LIMCH1: variants seen among roughly 807,000 people sequenced by gnomAD.
LIMCH1 encodes the protein LIM and calponin homology domains 1.
A neutral mutation model predicts 176.5 loss-of-function variants in LIMCH1; 113 were observed. The ratio of observed to expected loss-of-function variants is 0.64; its 90% CI spans 0.55 to 0.75. The LOEUF (loss-of-function observed/expected upper bound fraction) is 0.75, where lower values mean the gene tolerates loss of function less well. Ranked by LOEUF, LIMCH1 falls within the 30% of genes least tolerant of loss-of-function variation. The pLI, the probability that LIMCH1 is intolerant of heterozygous loss-of-function variation, is 0.00. For missense variants in LIMCH1, 1,674 were observed against 1,814.9 expected (o/e 0.92, Z 1.41); for synonymous variants, 619 against 645.9 (o/e 0.96, Z 0.63).
chr4:41,366,238 A>C (rs932747048), intron 1 of LIMCH1, among the ~76,000 whole-genome samples: 1 of 152,158 alleles, frequency 6.6e-6, no homozygotes, highest in Non-Finnish European at 1.5e-5. Context: ...GTGCCTGCTA[A>C]AGTCTATGTA....
intron 1 of LIMCH1, among the ~76,000 whole-genome samples, chr4:41,592,465 T>G (rs1156250938): frequency 6.6e-6 from 1 of 152,184 alleles, no homozygotes; most frequent in Non-Finnish European, 1.5e-5. Context: ...CAACTATCTT[T>G]TTTTTTTCTT....
intron 1 of LIMCH1, among the ~76,000 whole-genome samples, chr4:41,443,548 TTC>T (rs1389602360): frequency 6.6e-6 from 1 of 152,254 alleles, no homozygotes; most frequent in Non-Finnish European, 1.5e-5. Flanking sequence ...CTTTCCAGAT[TTC>T]AGGAAGCCAG....
chr4:41,400,695 A>G (rs1421191478), intron 1 of LIMCH1, among the ~76,000 whole-genome samples: 4 of 152,222 alleles, frequency 2.6e-5, no homozygotes, highest in Non-Finnish European at 4.4e-5. Flanking sequence ...AGATCTTAAA[A>G]TAGATATCGA....
intron 1 of LIMCH1, among the ~76,000 whole-genome samples, chr4:41,567,031 A>G (rs1019306312): frequency 3.3e-5 from 5 of 152,224 alleles, no homozygotes; most frequent in Non-Finnish European, 7.3e-5. Context: ...AAACTCCTCT[A>G]TTCTTAAAGC....
At chr4:41,570,918 A>G (rs771537779) in intron 1 of LIMCH1, among the ~76,000 whole-genome samples, 1 of 152,212 alleles carries the variant, frequency 6.6e-6, no homozygotes. Context: ...GTGCAGAAAT[A>G]GGAGGTAATG....
At chr4:41,373,418 C>T (rs2054270913) in intron 1 of LIMCH1, among the ~76,000 whole-genome samples, 1 of 152,236 alleles carries the variant, frequency 6.6e-6, no homozygotes, top group Admixed American at 6.5e-5. Context: ...AGATAGGAAT[C>T]CTCCGTGCTT....
At chr4:41,374,403 C>T (rs1581178824) in intron 1 of LIMCH1, among the ~76,000 whole-genome samples, 2 of 152,278 alleles carry the variant, frequency 1.3e-5, no homozygotes, top group Admixed American at 1.3e-4. Flanking sequence ...TGCATGGGGA[C>T]TCTGGTTCCC....
At chr4:41,579,982 G>A (rs1040751612) in intron 1 of LIMCH1, among the ~76,000 whole-genome samples, 2 of 152,168 alleles carry the variant, frequency 1.3e-5, no homozygotes, top group East Asian at 3.9e-4. Flanking sequence ...AGCCTTCGGG[G>A]AGGGCACCAC....
chr4:41,521,187 G>A lies in LIMCH1; in HGVS notation c.168-3222G>A, dbSNP rs180693421. 3.9e-4 allele frequency among the ~76,000 whole-genome samples: 60 copies of A among 152,224 alleles called. No individual in the cohort carries two copies. In the East Asian group the frequency reaches 0.011, roughly 28 times the overall value. Reference sequence around the variant, plus strand: ...ATTATGCTTTGATGACACATACTGAGGTTGGACTTTCTAAAGCACCAAACT... The same window carrying A: ...ATTATGCTTTGATGACACATACTGAAGTTGGACTTTCTAAAGCACCAAACT... On this transcript the variant is annotated intron_variant, in intron 2 of 26. Coordinates refer to the LIMCH1 transcript ENST00000313860.
chr4:41,386,310 A>G (rs80232670), intron 1 of LIMCH1, among the ~76,000 whole-genome samples: 2,819 of 152,330 alleles, frequency 0.019, 87 homozygotes, highest in East Asian at 0.12. Context: ...GTGCTCAGGC[A>G]TAGATCCTGA....
At chr4:41,580,197 A>G (rs1357590159) in intron 1 of LIMCH1, among the ~76,000 whole-genome samples, 1 of 152,130 alleles carries the variant, frequency 6.6e-6, no homozygotes, top group Non-Finnish European at 1.5e-5. Context: ...GTTTTCAAAG[A>G]TCATGGTCAG....
chr4:41,506,609 C>A (rs186065341), intron 2 of LIMCH1, among the ~76,000 whole-genome samples: 1 of 152,266 alleles, frequency 6.6e-6, no homozygotes, highest in African/African-American at 2.4e-5. Context: ...AAGATTTAAT[C>A]TCCAAGATTT....
intron 4 of LIMCH1, chr4:41,612,500 G>A (rs2152795815): frequency 1.4e-6 from 1 of 701,840 alleles, no homozygotes; most frequent in East Asian, 2.7e-5. Context: ...TTAAATTGAG[G>A]TTTATCTTTG....
At chr4:41,475,474 G>T (rs1203395019) in intron 1 of LIMCH1, among the ~76,000 whole-genome samples, 1 of 152,198 alleles carries the variant, frequency 6.6e-6, no homozygotes, top group Non-Finnish European at 1.5e-5. Flanking sequence ...TTTGCATTCA[G>T]TGATATCAGG....
intron 4 of LIMCH1, among the ~76,000 whole-genome samples, chr4:41,608,525 A>G (rs1561904041): frequency 6.6e-6 from 1 of 152,170 alleles, no homozygotes; most frequent in Non-Finnish European, 1.5e-5. Flanking sequence ...ACAAATTTTT[A>G]TATTCATTTT....
intron 2 of LIMCH1, among the ~76,000 whole-genome samples, chr4:41,511,533 C>T (rs553179734): frequency 1.3e-5 from 2 of 152,326 alleles, no homozygotes; most frequent in African/African-American, 2.4e-5. Flanking sequence ...ACACATGGCA[C>T]TACTCATGAA....
intron 1 of LIMCH1, among the ~76,000 whole-genome samples, chr4:41,408,606 G>A (rs2059200547): frequency 6.6e-6 from 1 of 152,190 alleles, no homozygotes; most frequent in South Asian, 2.1e-4. Context: ...CAACTGTATA[G>A]TGTTGATTTG....
At chr4:41,578,260 G>A (rs1038338717) in intron 1 of LIMCH1, among the ~76,000 whole-genome samples, 2 of 152,126 alleles carry the variant, frequency 1.3e-5, no homozygotes, top group African/African-American at 2.4e-5. Flanking sequence ...GAGAGAGAAG[G>A]GGGAAGCACC....
chr4:41,369,767 G>GT (rs1243229886), intron 1 of LIMCH1, among the ~76,000 whole-genome samples: 3 of 151,810 alleles, frequency 2.0e-5, no homozygotes, highest in African/African-American at 7.3e-5. Flanking sequence ...TCATCACCCT[G>GT]TTCCCTCCTT....
Sources: allele counts gnomAD v4.1 joint callset (sites outside exome capture counted in the v4.1 genomes callset), GRCh38; gene constraint gnomAD v4.1.1; transcripts MANE v1.5; gene names NCBI Gene and HGNC (gene_info 2026-07-23, HGNC 2026-07-21).